SETD7: variants seen among roughly 807,000 people sequenced by gnomAD.
SETD7 encodes histone-lysine N-methyltransferase SETD7.
A neutral mutation model predicts 41.8 loss-of-function variants in SETD7; 16 were observed. The observed-to-expected ratio is 0.38, with a 90% CI of 0.26 to 0.58. The LOEUF is 0.58. Ranked by LOEUF, SETD7 falls within the 20% of genes least tolerant of loss-of-function variation. SETD7 has a pLI of 0.64. For missense variants in SETD7, 346 were observed against 459.7 expected (o/e 0.75, Z 2.26); for synonymous variants, 163 against 169.7 (o/e 0.96, Z 0.31).
In SETD7 at chr4:139,529,044, T is replaced by C. The variant is rs1727407812; in HGVS notation, c.549A>G (p.Glu183=). The change falls in exon 4 of 8, where the codon GAA becomes GAG. Residue 183 remains glutamate (E), a synonymous_variant. Transcript: ENST00000274031. The part of the protein sequence containing the change: ...MSTEEGRPHF[E]LMPGNSVYHF... ...GATTCAACTTACTTCCAGGCATCAG[T>C]TCAAAGTGAGGCCTCCCTTCTTCAG... 4 of 1,613,996 alleles carry C rather than the reference T, an allele frequency of 2.5e-6. No individual in the cohort carries two copies. Among genetic ancestry groups the C allele is most frequent in the Admixed American group, 3.3e-5 (2 of 59,956 alleles).
chr4:139,501,975 A>G (rs1238559751), downstream of SETD7, among the ~76,000 whole-genome samples: 1 of 152,224 alleles, frequency 6.6e-6, no homozygotes, highest in African/African-American at 2.4e-5. Context: ...TAGTGAGCTC[A>G]ATCCATGGGT....
intron 2 of SETD7, chr4:139,546,690 C>T (rs537358825): frequency 1.8e-6 from 1 of 556,816 alleles, no homozygotes; most frequent in Admixed American, 3.2e-5. Context: ...TATCTTTTGG[C>T]CAAGCACACT....
At position 139,507,785 on chromosome 4, in the gene SETD7, T is replaced by G. The variant is rs1030660490; in HGVS notation, c.*3878A>C. 1 of 152,486 alleles carries G rather than the reference T, an allele frequency of 6.6e-6. No individual in the cohort carries two copies. The highest frequency in any genetic ancestry group is 2.4e-5 in the African/African-American group (1 of 41,430). 9.4% of individuals were successfully genotyped at this position (152,486 alleles called of 1,614,324 possible). A position where few individuals can be genotyped will look rare whatever the true frequency, so the allele number is the denominator to read the frequency against. On this transcript the variant is annotated 3_prime_UTR_variant, in exon 8 of 8. Transcript: ENST00000274031. ...GGGAAAGATAAAAGAAAAACAATAA[T>G]AATCTATCAAGGTACCCCAAGTAGA...
chr4:139,514,054 G>A (rs907548587), intron 7 of SETD7, among the ~76,000 whole-genome samples: 27 of 152,172 alleles, frequency 1.8e-4, no homozygotes, highest in African/African-American at 6.0e-4. Context: ...AGGCTGAGGC[G>A]GATAGATCAC....
intron 7 of SETD7, among the ~76,000 whole-genome samples, chr4:139,517,361 G>GA (rs1727051936): frequency 6.6e-6 from 1 of 151,850 alleles, no homozygotes. Flanking sequence ...TGTAATCCCA[G>GA]CTACTTGAGA....
At chr4:139,532,042 C>A (rs1023777299) in intron 3 of SETD7, among the ~76,000 whole-genome samples, 1 of 152,094 alleles carries the variant, frequency 6.6e-6, no homozygotes, top group Non-Finnish European at 1.5e-5. Context: ...TGCAGTAAGC[C>A]GACATGGCAC....
At chr4:139,530,720 G>A (rs1390849883) in intron 3 of SETD7, among the ~76,000 whole-genome samples, 1 of 151,988 alleles carries the variant, frequency 6.6e-6, no homozygotes, top group Admixed American at 6.5e-5. Flanking sequence ...TAAATTTCTG[G>A]TTTCAGAGGG....
intron 1 of SETD7, among the ~76,000 whole-genome samples, chr4:139,549,118 A>G (rs988663859): frequency 1.3e-5 from 2 of 152,200 alleles, no homozygotes; most frequent in African/African-American, 2.4e-5. Flanking sequence ...TCAGTGTCCT[A>G]CTTTTGATTT....
At chr4:139,540,315 C>G (rs1000807118) in intron 2 of SETD7, among the ~76,000 whole-genome samples, 3 of 152,196 alleles carry the variant, frequency 2.0e-5, no homozygotes, top group Non-Finnish European at 4.4e-5. Context: ...AAGGCCCCTA[C>G]AAGAACATAA....
chr4:139,551,670 C>T (rs1728114167), intron 1 of SETD7, among the ~76,000 whole-genome samples: 1 of 152,140 alleles, frequency 6.6e-6, no homozygotes, highest in Admixed American at 6.5e-5. Context: ...TCCCTTAGAA[C>T]CAGAGACCCT....
At chr4:139,537,133 G>A (rs182417243) in intron 2 of SETD7, among the ~76,000 whole-genome samples, 4 of 152,112 alleles carry the variant, frequency 2.6e-5, no homozygotes, top group African/African-American at 9.6e-5. Flanking sequence ...GCGCCAACAC[G>A]CCCAGCTAAT....
intron 5 of SETD7, 102 bp downstream of exon 5, chr4:139,523,252 A>G: frequency 1.3e-6 from 1 of 780,822 alleles, no homozygotes. Context: ...CTGAGCTGGA[A>G]CCCAGCCTGG....
At chr4:139,501,681 A>G (rs1258523937), downstream of SETD7, among the ~76,000 whole-genome samples, 1 of 152,234 alleles carries the variant, frequency 6.6e-6, no homozygotes, top group Non-Finnish European at 1.5e-5. Context: ...ACATGCCTAG[A>G]AAGTGCTTTG....
At chr4:139,549,060 T>A (rs1221776371) in intron 1 of SETD7, among the ~76,000 whole-genome samples, 1 of 152,242 alleles carries the variant, frequency 6.6e-6, no homozygotes, top group East Asian at 1.9e-4. Flanking sequence ...CTAAGAGCTT[T>A]TTTTAGTGAA....
At chr4:139,529,591 C>A (rs1388876228) in intron 3 of SETD7, among the ~76,000 whole-genome samples, 1 of 152,144 alleles carries the variant, frequency 6.6e-6, no homozygotes, top group African/African-American at 2.4e-5. Context: ...GGAAATGTAA[C>A]TAAGTGTTAT....
Position 139,556,185 on chromosome 4 carries a change from T to C in SETD7, c.-48A>G, listed in dbSNP as rs1390948717. The C allele has an allele frequency of 2.6e-6, 4 of 1,563,476 alleles. No individual in the cohort carries two copies. The African/African-American group carries it at 5.5e-5, about 22-fold the overall frequency. Reference sequence around the variant, plus strand: ...CTCGGGGCTGCGCGGCTGCCTCCCGTCCCTCTGGGTGCTCCCGGCGGCTGA... The same window carrying C: ...CTCGGGGCTGCGCGGCTGCCTCCCGCCCCTCTGGGTGCTCCCGGCGGCTGA... On this transcript the variant is annotated 5_prime_UTR_variant, in exon 1 of 8. Transcript: ENST00000274031.
intron 4 of SETD7, among the ~76,000 whole-genome samples, chr4:139,524,841 C>G (rs1727281267): frequency 6.6e-6 from 1 of 152,010 alleles, no homozygotes; most frequent in African/African-American, 2.4e-5. Flanking sequence ...TCTTTTGAGA[C>G]AGTCTTGCTC....
rs764150008 is a variant in SETD7 at position 139,511,839 on chromosome 4, C to A, written c.925G>T (p.Val309Phe). ...TTGATGGGCCCAAAACGGGGGTGGA[C>A]AAACCTAAACATCAAGATGCACACA... Reference protein sequence around the residue: ...FTPNCIYDMFVHPRFGPIKCI... With the variant: ...FTPNCIYDMFFHPRFGPIKCI... Residue 309 changes from valine (V) to phenylalanine (F), a missense_variant, in exon 8 of 8, where the codon GTC becomes TTC. By Grantham distance (50) the Val-to-Phe change is conservative (BLOSUM62 -1). This residue lies in a region of SETD7 where 75 missense variants were observed against 65.5 expected (regional missense o/e 1.14). Transcript: ENST00000274031. The A allele has an allele frequency of 6.2e-7, 1 of 1,610,460 alleles. No individual in the cohort carries two copies. Among genetic ancestry groups the A allele is most frequent in the Admixed American group, 1.7e-5 (1 of 59,342 alleles).
chr4:139,550,254 G>A (rs1234113062), intron 1 of SETD7, among the ~76,000 whole-genome samples: 3 of 152,120 alleles, frequency 2.0e-5, no homozygotes, highest in Admixed American at 6.5e-5. Flanking sequence ...TCAGGGGAGA[G>A]CTACCAAATG....
Sources: gnomAD v4.1 joint callset for allele counts (sites outside exome capture counted in the v4.1 genomes callset) on GRCh38, gnomAD v4.1.1 for gene constraint, gnomAD v4.1.1 regional missense constraint, MANE v1.5 for transcripts, NCBI Gene and HGNC (gene_info 2026-07-23, HGNC 2026-07-21) for gene names.